Variants in USF1 observed in about 807,000 individuals in gnomAD.
USF1 encodes the protein upstream transcription factor 1.
In USF1, 22 loss-of-function variants were observed where a neutral mutation model predicts 46.3. That is an observed-to-expected ratio of 0.47 (90% CI 0.34 to 0.68). The LOEUF is 0.68. USF1 is among the 30% of genes least tolerant of loss of function. The pLI is 0.01. For synonymous variants in USF1, 150 were observed against 147.0 expected, an observed-to-expected ratio of 1.02 and a Z score of -0.15; for missense variants, 287 against 399.3, an observed-to-expected ratio of 0.72 and a Z score of 2.40.
chr1:161,042,630 A>T lies in USF1; in HGVS notation c.99T>A (p.Ile33=). Residue 33 remains isoleucine, a synonymous_variant, in exon 4 of 11, where the codon ATT becomes ATA. Coordinates refer to ENST00000368021, the MANE Select transcript of USF1 (RefSeq NM_007122.5). ...AGGTGGCAGCTGACTGGATGCTGGC[A>T]ATAGCCACACTGGTTGGGTCTTCCC... ...ATGEDPTSVA[I]ASIQSAATFP... 1 of 1,614,244 alleles carries T rather than the reference A, an allele frequency of 6.2e-7. No individual in the cohort carries two copies.
chr1:161,039,687 G>C lies in USF1; in HGVS notation c.*233C>G, dbSNP rs1650439038. 1.8e-6 allele frequency: 1 copy of C among 560,620 alleles called. No individual in the cohort carries two copies. The highest frequency in any genetic ancestry group is 2.0e-5 in the South Asian group (1 of 49,712). The allele number at this position is 560,620 out of a possible 1,614,324, so 34.7% of individuals were successfully genotyped here. ...CATGCATTGTGCGAGAGGAGCACAA[G>C]GGCCCAGGGGCTGCATGGTGGGGGT... On this transcript the variant is annotated 3_prime_UTR_variant, in exon 11 of 11. Transcript: ENST00000368021.
Position 161,041,738 on chromosome 1 carries a change from CT to C in USF1, c.384del (p.Gly130ValfsTer33). 1.9e-6 allele frequency: 3 copies of C among 1,614,126 alleles called. No individual in the cohort carries two copies. Among genetic ancestry groups the C allele is most frequent in the Non-Finnish European group, 2.5e-6 (3 of 1,179,996 alleles). Reference sequence around the variant, plus strand: ...GCTGTACTCCCCGATGTGGTACCCCCTGCCCCATCTCCCACTGCCGTGCTGG... The same window carrying C: ...GCTGTACTCCCCGATGTGGTACCCCCGCCCCATCTCCCACTGCCGTGCTGG... ...YFPSTAVGDG[A>X]GGTTSGSTAA... On this transcript the variant is annotated frameshift_variant, in exon 6 of 11. Coordinates refer to ENST00000368021, the MANE Select transcript of USF1 (RefSeq NM_007122.5). LOFTEE classifies it high-confidence loss of function.
intron 1 of USF1, among the ~76,000 whole-genome samples, chr1:161,043,620 CTTT>C (rs34611572): frequency 0.41 from 48,843 of 118,452 alleles, 8,295 homozygotes; most frequent in Non-Finnish European, 0.51. Context: ...AGAAACAACA[CTTT>C]TTTTTTTTTT....
chr1:161,045,083 T>C (rs1439085639), intron 1 of USF1: 2 of 152,190 alleles, frequency 1.3e-5, no homozygotes, highest in Non-Finnish European at 2.9e-5. Flanking sequence ...TACATTTCCA[T>C]CTTCAAACCT....
chr1:161,041,528 G>A (rs1650561977), intron 6 of USF1, 117 bp from the exon 7 acceptor site: 2 of 1,461,556 alleles, frequency 1.4e-6, no homozygotes, highest in East Asian at 2.3e-5. Flanking sequence ...AGCAGCCCCA[G>A]ACTCACTGCC....
intron 5 of USF1, 100 bp from the exon 6 acceptor site, chr1:161,041,946 GGAGAGAGAGA>G (rs144100508): frequency 6.6e-6 from 8 of 1,220,604 alleles, no homozygotes; most frequent in South Asian, 3.0e-5. Context: ...TAGGTAGGGT[GGAGAGAGAGA>G]GAGAGAGAGA....
At chr1:161,044,669 A>G (rs767534468) in intron 1 of USF1, among the ~76,000 whole-genome samples, 1 of 147,584 alleles carries the variant, frequency 6.8e-6, no homozygotes, top group African/African-American at 2.5e-5. Flanking sequence ...CAAATCAACT[A>G]AGCCTGAGCA....
Position 161,042,655 on chromosome 1 carries a change from C to A in USF1, c.74G>T (p.Gly25Val). 1 of 1,614,182 alleles carries A rather than the reference C, an allele frequency of 6.2e-7. No homozygotes were observed. The highest frequency in any genetic ancestry group is 8.5e-7 in the Non-Finnish European group (1 of 1,180,044). ...VQIQEGAVAT[G>V]EDPTSVAIAS... The stretch of plus-strand genomic sequence containing the variant: ...AATAGCCACACTGGTTGGGTCTTCC[C>A]CAGTAGCCACTGCACCTGAATTAAA... Residue 25 changes from glycine to valine, a missense_variant, in exon 4 of 11, where the codon GGG becomes GTG. By Grantham distance (109) the Gly-to-Val change is moderately radical (BLOSUM62 -3). Coordinates refer to ENST00000368021, the MANE Select transcript of USF1 (RefSeq NM_007122.5).
Position 161,040,029 on chromosome 1 carries a change from G to A in USF1, c.844-20C>T, listed in dbSNP as rs1557904728. 6 of 1,614,108 alleles carry A rather than the reference G, an allele frequency of 3.7e-6. No homozygotes were observed. In the East Asian group the frequency reaches 1.1e-4, roughly 30 times the overall value. On this transcript the variant is annotated intron_variant, in intron 10 of 10. Coordinates refer to ENST00000368021, the MANE Select transcript of USF1 (RefSeq NM_007122.5). This position sits in a 1 kb window ranked among gnomAD's most constrained non-coding sequence, Gnocchi z 4.0. The stretch of plus-strand genomic sequence containing the variant: ...TTCCACCTGACATGGGAAGGAGGCA[G>A]TAAAGGGAATGGGTAGTAAAGCTGG...
chr1:161,043,139 TCA>T, intron 2 of USF1, 127 bp downstream of exon 2: 1 of 1,528,304 alleles, frequency 6.5e-7, no homozygotes, highest in South Asian at 1.2e-5. Flanking sequence ...AGAAACCAAA[TCA>T]CACAGTAAGT....
rs780697534 is a variant in USF1 at position 161,039,955 on chromosome 1, C to T, written c.898G>A (p.Gly300Arg). Residue 300 changes from glycine to arginine, a missense_variant, in exon 11 of 11, where the codon GGA (glycine) becomes AGA (arginine). Transcript: ENST00000368021. ...LLLRAQLRHH[G>R]LEVVIKNDSN is the part of the protein sequence containing the mutation. Reference sequence around the variant, plus strand: ...TCATTCTTGATGACGACCTCTAATCCGTGGTGCCGCAACTGAGCTCGAAGC... The same window carrying T: ...TCATTCTTGATGACGACCTCTAATCTGTGGTGCCGCAACTGAGCTCGAAGC... 1.7e-5 allele frequency: 28 copies of T among 1,614,164 alleles called. No homozygotes were observed. The highest frequency in any genetic ancestry group is 1.4e-4 in the South Asian group (13 of 91,066).
rs746989657 is a variant in USF1 at position 161,039,943 on chromosome 1, C to T, written c.910G>A (p.Val304Ile). The stretch of plus-strand genomic sequence containing the variant: ...AGTTAGTTGCTGTCATTCTTGATGA[C>T]GACCTCTAATCCGTGGTGCCGCAAC... Reference protein sequence around the residue: ...AQLRHHGLEVVIKNDSN With the variant: ...AQLRHHGLEVIIKNDSN Residue 304 changes from valine to isoleucine, a missense_variant, in exon 11 of 11, where the codon GTC (valine) becomes ATC (isoleucine). Physicochemically the swap from Val to Ile is conservative, Grantham distance 29. Transcript: ENST00000368021. 8.7e-6 allele frequency: 14 copies of T among 1,614,038 alleles called. No homozygotes were observed. Among genetic ancestry groups the T allele is most frequent in the South Asian group, 4.4e-5 (4 of 91,086 alleles).
chr1:161,041,261 CAAAAAAAAAAAAAA>C, intron 7 of USF1, 49 bp downstream of exon 7: 2 of 664,488 alleles, frequency 3.0e-6, no homozygotes, highest in Non-Finnish European at 4.2e-6. Context: ...GACTCTGTCT[CAAAAAAAAAAAAAA>C]AAAAAAAAAA....
At position 161,040,056 on chromosome 1, in the gene USF1, AC is replaced by A; in HGVS notation, c.844-48del. On this transcript the variant is annotated intron_variant, in intron 10 of 10. Coordinates refer to ENST00000368021, the MANE Select transcript of USF1 (RefSeq NM_007122.5). The surrounding 1 kb of genome is among the most constrained non-coding windows in gnomAD (Gnocchi z 4.0). ...AAAGGGAATGGGTAGTAAAGCTGGCACTTCCAAGCCCCTGAATGTATTCAGA... is the reference window on the plus strand; with the variant it reads ...AAAGGGAATGGGTAGTAAAGCTGGCATTCCAAGCCCCTGAATGTATTCAGA... 1 of 1,612,950 alleles carries A rather than the reference AC, an allele frequency of 6.2e-7. No homozygotes were observed. The highest frequency in any genetic ancestry group is 8.5e-7 in the Non-Finnish European group (1 of 1,178,956).
chr1:161,043,618 C>T (rs1193017521), intron 1 of USF1, among the ~76,000 whole-genome samples: 3 of 137,416 alleles, frequency 2.2e-5, no homozygotes, highest in African/African-American at 7.7e-5. Flanking sequence ...ACAGAAACAA[C>T]ACTTTTTTTT....
intron 2 of USF1, among the ~76,000 whole-genome samples, 173 bp from the exon 3 acceptor site, chr1:161,043,055 C>T (rs546040374): frequency 3.9e-5 from 6 of 152,306 alleles, no homozygotes; most frequent in Admixed American, 2.6e-4. Context: ...AAGCTAAGTA[C>T]ATTACATGTA....
intron 2 of USF1, 64 bp from the exon 3 acceptor site, chr1:161,042,946 C>T (rs1331364022): frequency 6.2e-7 from 1 of 1,606,460 alleles, no homozygotes; most frequent in African/African-American, 1.3e-5. Flanking sequence ...CTCACTGGCC[C>T]AGTAACATAT....
Position 161,041,766 on chromosome 1 carries a change from GAAGT to G in USF1, c.353_356del (p.Tyr118SerfsTer44). 3.1e-6 allele frequency: 5 copies of G among 1,614,100 alleles called. No homozygotes were observed. The highest frequency in any genetic ancestry group is 4.2e-6 in the Non-Finnish European group (5 of 1,180,014). ...CCCCATCTCCCACTGCCGTGCTGGG[GAAGT>G]AAGTATAGTGCGTCTCAGCAGCTGT... On this transcript the variant is annotated frameshift_variant, in exon 6 of 11. Coordinates refer to ENST00000368021, the MANE Select transcript of USF1 (RefSeq NM_007122.5). LOFTEE classifies it high-confidence loss of function.
intron 1 of USF1, among the ~76,000 whole-genome samples, chr1:161,045,375 A>G (rs532926628): frequency 6.6e-6 from 1 of 152,334 alleles, no homozygotes; most frequent in African/African-American, 2.4e-5. Flanking sequence ...AAGTCTGGAC[A>G]CAAAGGGAAA....
Sources: gnomAD v4.1 joint callset for allele counts (sites outside exome capture counted in the v4.1 genomes callset) on GRCh38, gnomAD v4.1.1 for gene constraint, Gnocchi (gnomAD v3.1) non-coding constraint, MANE v1.5 for transcripts, NCBI Gene and HGNC (gene_info 2026-07-23, HGNC 2026-07-21) for gene names.